The following PLXNA4 variants were observed in gnomAD, a reference collection of about 807,000 sequenced individuals.
PLXNA4 encodes plexin-A4.
In PLXNA4, 44 loss-of-function variants were observed where a neutral mutation model predicts 191.8. The observed-to-expected ratio is 0.23, with a 90% CI of 0.18 to 0.29. The LOEUF is 0.29. Among genes scored for constraint, PLXNA4 ranks in the 10% least tolerant of loss-of-function variants. The pLI is 1.00. For synonymous variants in PLXNA4, 1,082 were observed against 1,009.5 expected (o/e 1.07, Z -1.36); for missense variants, 1,800 against 2,488.8 (o/e 0.72, Z 5.89).
intron 14 of PLXNA4, among the ~76,000 whole-genome samples, chr7:132,189,774 G>A (rs1009236848): frequency 3.3e-5 from 5 of 152,072 alleles, no homozygotes; most frequent in Admixed American, 6.5e-5. Flanking sequence ...AACCCCCTGC[G>A]GAGACTCATG....
At chr7:132,327,974 T>C (rs1344954763) in intron 3 of PLXNA4, among the ~76,000 whole-genome samples, 1 of 152,150 alleles carries the variant, frequency 6.6e-6, no homozygotes, top group Admixed American at 6.5e-5. Flanking sequence ...CTCCTCTGCA[T>C]ATCTAGAAGG....
At chr7:132,286,456 C>T (rs1237450447) in intron 4 of PLXNA4, among the ~76,000 whole-genome samples, 2 of 152,198 alleles carry the variant, frequency 1.3e-5, no homozygotes, top group Non-Finnish European at 2.9e-5. Flanking sequence ...CAATAATTGT[C>T]AGGACAATTG....
At chr7:132,142,647 C>A (rs1795304074) in intron 29 of PLXNA4, among the ~76,000 whole-genome samples, 1 of 152,182 alleles carries the variant, frequency 6.6e-6, no homozygotes, top group African/African-American at 2.4e-5. Context: ...GCGGTGTTTG[C>A]TTCATCCCTG....
intron 2 of PLXNA4, among the ~76,000 whole-genome samples, chr7:132,504,995 T>G (rs573468019): frequency 6.6e-6 from 1 of 152,336 alleles, no homozygotes; most frequent in Admixed American, 6.5e-5. Context: ...CTCGGGTATC[T>G]GCCAAATCAA....
rs903693230 is a variant in PLXNA4 at position 132,129,354 on chromosome 7, C to A, written c.*1125G>T. Reference sequence around the variant, plus strand: ...GACAAAGTCATCTGCATAGCAATGGCACCGGATTCTGCAGAGGGAACAGGG... The same window carrying A: ...GACAAAGTCATCTGCATAGCAATGGAACCGGATTCTGCAGAGGGAACAGGG... On this transcript the variant is annotated 3_prime_UTR_variant, in exon 32 of 32. Coordinates refer to ENST00000321063, the MANE Select transcript of PLXNA4 (RefSeq NM_020911.2). 6.6e-6 allele frequency: 1 copy of A among 152,268 alleles called. No homozygotes were observed. Among genetic ancestry groups the A allele is most frequent in the Non-Finnish European group, 1.5e-5 (1 of 68,066 alleles). 9.4% of individuals were successfully genotyped at this position (152,268 alleles called of 1,614,324 possible). A position where few individuals can be genotyped will look rare whatever the true frequency, so the allele number is the denominator to read the frequency against.
chr7:132,589,372 TTA>T (rs1157153440), intron 2 of PLXNA4, among the ~76,000 whole-genome samples: 1 of 152,192 alleles, frequency 6.6e-6, no homozygotes, highest in Non-Finnish European at 1.5e-5. Context: ...GTCTCTGCTG[TTA>T]TGTTTCAAAA....
intron 3 of PLXNA4, among the ~76,000 whole-genome samples, chr7:132,409,223 G>T (rs1434651067): frequency 6.6e-6 from 1 of 152,128 alleles, no homozygotes; most frequent in Non-Finnish European, 1.5e-5. Context: ...GGAGGTGGGG[G>T]CTCAGCTCTG....
At chr7:132,378,847 CT>C (rs11375919) in intron 3 of PLXNA4, among the ~76,000 whole-genome samples, 2,089 of 119,016 alleles carry the variant, frequency 0.018, 16 homozygotes, top group Middle Eastern at 0.047. Flanking sequence ...GGCACTGGAT[CT>C]TTTTTTTTTT....
At chr7:132,304,800 CCT>C (rs1315259450) in intron 3 of PLXNA4, among the ~76,000 whole-genome samples, 3 of 152,086 alleles carry the variant, frequency 2.0e-5, no homozygotes, top group African/African-American at 7.3e-5. Context: ...CTCCCTCCCC[CCT>C]GTCCTCTGCT....
intron 3 of PLXNA4, among the ~76,000 whole-genome samples, chr7:132,324,809 G>A (rs912656991): frequency 6.6e-6 from 1 of 152,162 alleles, no homozygotes; most frequent in Non-Finnish European, 1.5e-5. Flanking sequence ...CAGAAAGGTA[G>A]GGACATCAGA....
Position 132,148,016 on chromosome 7 carries a change from T to C in PLXNA4, c.4765-17A>G, listed in dbSNP as rs1795487070. 6.2e-7 allele frequency: 1 copy of C among 1,613,954 alleles called. No homozygotes were observed. Among genetic ancestry groups the C allele is most frequent in the East Asian group, 2.2e-5 (1 of 44,882 alleles). Reference sequence around the variant, plus strand: ...ATCTGGCACCTACAGGGAAAAAGCTTCTCAGGGCCTAGGCACAGCAGCTCT... The same window carrying C: ...ATCTGGCACCTACAGGGAAAAAGCTCCTCAGGGCCTAGGCACAGCAGCTCT... On this transcript the variant is annotated splice_polypyrimidine_tract_variant and intron_variant, in intron 26 of 31. Coordinates refer to ENST00000321063, the MANE Select transcript of PLXNA4 (RefSeq NM_020911.2).
At chr7:132,384,844 C>T (rs1805054478) in intron 3 of PLXNA4, 1 of 1,159,812 alleles carries the variant, frequency 8.6e-7, no homozygotes. Flanking sequence ...GGTTATCCTA[C>T]CATATATCAG....
At position 132,507,790 on chromosome 7, in the gene PLXNA4, G is replaced by C. The variant is rs779832724; in HGVS notation, c.904C>G (p.Arg302Gly). The change falls in exon 2 of 32, where the codon CGC becomes GGC. Residue 302 changes from arginine (R) to glycine (G), a missense_variant. This residue lies in a region of PLXNA4 where 1,397 missense variants were observed against 1,880.4 expected (regional missense o/e 0.74). Transcript: ENST00000321063. The stretch of plus-strand genomic sequence containing the variant: ...AGCAGGCGGTACTCCACCCCACTGC[G>C]CTCACAGCCAATGGGCACCTCTACA... The part of the protein sequence containing the change: ...SYVEVPIGCE[R>G]SGVEYRLLQA... 6.2e-7 allele frequency: 1 copy of C among 1,614,066 alleles called. No individual in the cohort carries two copies. The highest frequency in any genetic ancestry group is 1.1e-5 in the South Asian group (1 of 91,084).
intron 2 of PLXNA4, among the ~76,000 whole-genome samples, chr7:132,606,252 G>A (rs576602367): frequency 6.6e-6 from 1 of 152,302 alleles, no homozygotes; most frequent in East Asian, 1.9e-4. Context: ...GTTCCATAGG[G>A]AGCATGGCCC....
intron 3 of PLXNA4, among the ~76,000 whole-genome samples, chr7:132,332,583 T>G (rs1290089767): frequency 6.6e-6 from 1 of 152,038 alleles, no homozygotes; most frequent in Non-Finnish European, 1.5e-5. Context: ...GCGTGGTGGC[T>G]CATGCCTATA....
intron 2 of PLXNA4, among the ~76,000 whole-genome samples, chr7:132,496,326 C>T (rs1798008820): frequency 6.6e-6 from 1 of 152,160 alleles, no homozygotes. Flanking sequence ...CCCTAGTTAC[C>T]TATCAAGTTG....
intron 2 of PLXNA4, among the ~76,000 whole-genome samples, chr7:132,592,099 A>T (rs1802613861): frequency 6.6e-6 from 1 of 152,202 alleles, no homozygotes; most frequent in Non-Finnish European, 1.5e-5. Flanking sequence ...CCCTCAGGAA[A>T]GGGAGAGTTA....
At chr7:132,470,270 G>A (rs1371374714) in intron 3 of PLXNA4, among the ~76,000 whole-genome samples, 3 of 152,202 alleles carry the variant, frequency 2.0e-5, no homozygotes, top group Non-Finnish European at 2.9e-5. Flanking sequence ...ACAAGGGGGG[G>A]CCTGTCCTCA....
chr7:132,238,417 CACA>C (rs1167609725), intron 5 of PLXNA4, among the ~76,000 whole-genome samples: 1 of 152,146 alleles, frequency 6.6e-6, no homozygotes, highest in Non-Finnish European at 1.5e-5. Context: ...TTTAAAGCCC[CACA>C]ACAAGTTTCC....
Sources: gnomAD v4.1 joint callset for allele counts (sites outside exome capture counted in the v4.1 genomes callset) on GRCh38, gnomAD v4.1.1 for gene constraint, gnomAD v4.1.1 regional missense constraint, MANE v1.5 for transcripts, NCBI Gene and HGNC (gene_info 2026-07-23, HGNC 2026-07-21) for gene names.